The following EVI5L variants were observed in gnomAD, a reference collection of about 807,000 sequenced individuals.
EVI5L encodes the protein EVI5-like protein.
In EVI5L, 30 loss-of-function variants were observed where a neutral mutation model predicts 106.1. The ratio of observed to expected loss-of-function variants is 0.28; its 90% CI spans 0.21 to 0.38. The LOEUF (loss-of-function observed/expected upper bound fraction) is 0.38. Ranked by LOEUF, EVI5L falls within the 10% of genes least tolerant of loss-of-function variation. The pLI, the probability that EVI5L is intolerant of heterozygous loss-of-function variation, is 1.00. For synonymous variants in EVI5L, 489 were observed against 483.3 expected, an observed-to-expected ratio of 1.01 and a Z score of -0.15; for missense variants, 809 against 1,098.0, an observed-to-expected ratio of 0.74 and a Z score of 3.72.
At position 7,856,909 on chromosome 19, in the gene EVI5L, A is replaced by T. The variant is rs577658860; in HGVS notation, c.1201-183A>T. The T allele has an allele frequency of 1.4e-6, 1 of 726,720 alleles. No individual in the cohort carries two copies. The highest frequency in any genetic ancestry group is 2.5e-6 in the Non-Finnish European group (1 of 407,062). The allele number at this position is 726,720 out of a possible 1,614,324, so 45.0% of individuals were successfully genotyped here. ...CCCTCTCCAGGACGGAGCTGGCTCT[A>T]GCTTTGGTCTTCCTCCGGGTCCTCT... On this transcript the variant is annotated intron_variant, in intron 11 of 19. Coordinates refer to ENST00000538904, the MANE Select transcript of EVI5L (RefSeq NM_001159944.3). This position sits in a 1 kb window ranked among gnomAD's most constrained non-coding sequence, Gnocchi z 6.6.
At chr19:7,831,414 C>T (rs533803623) in intron 1 of EVI5L, among the ~76,000 whole-genome samples, 6 of 152,016 alleles carry the variant, frequency 3.9e-5, no homozygotes, top group Admixed American at 2.0e-4. Flanking sequence ...CCAGAGTCCC[C>T]GACAGCTCCC....
chr19:7,841,946 C>T (rs192771965), intron 1 of EVI5L, among the ~76,000 whole-genome samples: 190 of 152,324 alleles, frequency 1.2e-3, no homozygotes, highest in Non-Finnish European at 2.1e-3. Context: ...CCCACCTCCA[C>T]CCCAAACCTG....
At chr19:7,851,303 C>T in intron 6 of EVI5L, 131 bp from the exon 7 acceptor site, 2 of 1,131,200 alleles carry the variant, frequency 1.8e-6, no homozygotes, top group East Asian at 2.6e-5. Flanking sequence ...GAGGGAGCAC[C>T]AGGAAGGGAG....
intron 8 of EVI5L, 44 bp from the exon 9 acceptor site, chr19:7,853,042 G>C (rs1326579413): frequency 1.9e-5 from 31 of 1,610,020 alleles, no homozygotes; most frequent in Non-Finnish European, 2.5e-5. Flanking sequence ...CCGGTGGTCA[G>C]GGCCTGCATG....
At chr19:7,853,027 G>C in intron 8 of EVI5L, 59 bp from the exon 9 acceptor site, 10 of 1,584,736 alleles carry the variant, frequency 6.3e-6, no homozygotes, top group Non-Finnish European at 8.7e-6. Flanking sequence ...GGGCTCGGGC[G>C]GCCCCCGGTG....
At chr19:7,853,551 C>G (rs1476118991) in intron 10 of EVI5L, 1 of 629,444 alleles carries the variant, frequency 1.6e-6, no homozygotes, top group African/African-American at 1.8e-5. Context: ...CCAAGACAGT[C>G]AAGGTCCCTG....
chr19:7,851,701 A>G lies in EVI5L; in HGVS notation c.918A>G (p.Arg306=). Residue 306 remains arginine, a synonymous_variant, in exon 8 of 20, where the codon CGA becomes CGG. Transcript: ENST00000538904. ...TGCAGGGGCTGGAGATCGTGTTCCG[A>G]GTGGGCCTCGCCCTGCTGCAGGTGA... ...FMYEGLEIVF[R]VGLALLQVNQ... is the part of the protein sequence containing the mutation. 6.4e-7 allele frequency: 1 copy of G among 1,573,866 alleles called. No homozygotes were observed. The highest frequency in any genetic ancestry group is 2.3e-5 in the East Asian group (1 of 42,840).
chr19:7,855,324 T>G (rs1406515961), intron 10 of EVI5L, among the ~76,000 whole-genome samples: 1 of 152,014 alleles, frequency 6.6e-6, no homozygotes, highest in Non-Finnish European at 1.5e-5. Flanking sequence ...ACTCCTGACC[T>G]CAGGTGATTT....
At chr19:7,855,120 T>C (rs956350157) in intron 10 of EVI5L, among the ~76,000 whole-genome samples, 2 of 150,668 alleles carry the variant, frequency 1.3e-5, no homozygotes, top group African/African-American at 4.9e-5. Flanking sequence ...TTTTCTTTTT[T>C]TTTTTTTTTT....
rs546481767 is a variant in EVI5L, at chr19:7,850,615, A to T, written c.753+493A>T. Among the ~76,000 whole-genome samples the T allele has an allele frequency of 6.6e-6, 1 of 151,700 alleles. No homozygotes were observed. The highest frequency in any genetic ancestry group is 2.1e-4 in the South Asian group (1 of 4,808). ...CCCGCATGCATACACACACACGCAG[A>T]CACACACACACACACCGGCCCGCCT... On this transcript the variant is annotated intron_variant, in intron 6 of 19. Transcript: ENST00000538904. The surrounding 1 kb of genome is among the most constrained non-coding windows in gnomAD (Gnocchi z 5.4).
intron 1 of EVI5L, among the ~76,000 whole-genome samples, chr19:7,843,985 A>T (rs1048689249): frequency 1.1e-4 from 16 of 152,060 alleles, no homozygotes; most frequent in South Asian, 6.2e-4. Context: ...TGAAATACAC[A>T]CACATTCGTG....
chr19:7,862,357 G>C (rs771435127), intron 16 of EVI5L, 31 bp from the exon 17 acceptor site: 1 of 1,582,364 alleles, frequency 6.3e-7, no homozygotes, highest in South Asian at 1.2e-5. Flanking sequence ...GACCGCCGCC[G>C]TCCTCCGTCC....
intron 8 of EVI5L, chr19:7,852,732 G>C: frequency 4.7e-6 from 1 of 210,880 alleles, no homozygotes; most frequent in African/African-American, 2.5e-5. Flanking sequence ...TTTTTTTTCA[G>C]AAATGGGGTC....
chr19:7,843,111 G>A lies in EVI5L; in HGVS notation c.-47-3385G>A, dbSNP rs544673061. On this transcript the variant is annotated intron_variant, in intron 1 of 19. Coordinates refer to ENST00000538904, the MANE Select transcript of EVI5L (RefSeq NM_001159944.3). ...TGTGAGTGTGTGAGAATAGGCATGG[G>A]TGTGTGTGTCATGTGCATGTGTGTG... Among the ~76,000 whole-genome samples the A allele has an allele frequency of 1.9e-4, 24 of 127,282 alleles. No homozygotes were observed. In the South Asian group the frequency reaches 4.5e-3, roughly 24 times the overall value. The allele number at this position is 127,282 out of a possible 152,430, so 83.5% of individuals were successfully genotyped here.
chr19:7,861,030 G>A (rs370683896), intron 14 of EVI5L, among the ~76,000 whole-genome samples: 2 of 152,090 alleles, frequency 1.3e-5, no homozygotes, highest in African/African-American at 4.8e-5. Flanking sequence ...CATTGTGGCT[G>A]CCTCCCTACA....
In EVI5L at chr19:7,835,034, G is replaced by A. The variant is rs1978319803; in HGVS notation, c.-48+4653G>A. On this transcript the variant is annotated intron_variant, in intron 1 of 19. Transcript: ENST00000538904. The surrounding 1 kb of genome is among the most constrained non-coding windows in gnomAD (Gnocchi z 4.1). The stretch of plus-strand genomic sequence containing the variant: ...TGTCTGTAGTCCCAGCTACTTGGGA[G>A]GCTGAGGCAGGAGAATCACTTGAGC... Among the ~76,000 whole-genome samples the A allele has an allele frequency of 6.6e-6, 1 of 152,156 alleles. No individual in the cohort carries two copies. Among genetic ancestry groups the A allele is most frequent in the Non-Finnish European group, 1.5e-5 (1 of 68,046 alleles).
intron 1 of EVI5L, among the ~76,000 whole-genome samples, chr19:7,837,669 T>A (rs1978398949): frequency 6.6e-6 from 1 of 152,134 alleles, no homozygotes; most frequent in Admixed American, 6.6e-5. Context: ...TTCGTGACCT[T>A]GACGTTTTTG....
chr19:7,862,868 C>T, intron 17 of EVI5L, 104 bp from the exon 18 acceptor site: 2 of 785,172 alleles, frequency 2.5e-6, no homozygotes, highest in Non-Finnish European at 3.9e-6. Context: ...GACCCGCCTC[C>T]GCCCGCGGCC....
intron 17 of EVI5L, 130 bp from the exon 18 acceptor site, chr19:7,862,842 C>A: frequency 5.3e-6 from 3 of 563,090 alleles, no homozygotes; most frequent in East Asian, 3.7e-5. Context: ...CGCCCCTGCC[C>A]GCGGTCCTGC....
Sources: allele counts gnomAD v4.1 joint callset (sites outside exome capture counted in the v4.1 genomes callset), GRCh38; gene constraint gnomAD v4.1.1; non-coding constraint Gnocchi (gnomAD v3.1); transcripts MANE v1.5; gene names NCBI Gene and HGNC (gene_info 2026-07-23, HGNC 2026-07-21).